TSHR: variants seen among roughly 807,000 people sequenced by gnomAD.
TSHR encodes the protein thyroid stimulating hormone receptor.
TSHR carries 51 observed loss-of-function variants against 64.1 expected under a neutral mutation model. The ratio of observed to expected loss-of-function variants is 0.80; its 90% confidence interval spans 0.64 to 1.01. The LOEUF (loss-of-function observed/expected upper bound fraction) is 1.01, where lower values mean the gene tolerates loss of function less well. Among genes scored for constraint, TSHR ranks in the 50% least tolerant of loss-of-function variants. The probability of loss-of-function intolerance (pLI) is 0.00; values close to 1 mark genes in which losing one functional copy is unlikely to be tolerated. For synonymous variants in TSHR, 361 were observed against 361.9 expected, an observed-to-expected ratio of 1.00 and a Z score of 0.03; for missense variants, 877 against 942.8, an observed-to-expected ratio of 0.93 and a Z score of 0.91.
At chr14:81,022,808 G>A (rs757645264) in intron 1 of TSHR, among the ~76,000 whole-genome samples, 8 of 151,836 alleles carry the variant, frequency 5.3e-5, no homozygotes, top group South Asian at 2.1e-4. Flanking sequence ...GCGACAAAGC[G>A]AGACTTCATC....
At position 81,143,428 on chromosome 14, in the gene TSHR, C is replaced by T. The variant is rs769294339; in HGVS notation, c.1370C>T (p.Ala457Val). Residue 457 changes from alanine to valine, a missense_variant, in exon 10 of 10, where the codon GCC becomes GTC. By Grantham distance (64) the Ala-to-Val change is moderately conservative. Transcript: ENST00000298171. ...NVPRFLMCNL[A>V]FADFCMGMYL... ...CCCCGCTTTCTCATGTGCAACCTGGCCTTTGCGGATTTCTGCATGGGGATG... is the reference window on the plus strand; with the variant it reads ...CCCCGCTTTCTCATGTGCAACCTGGTCTTTGCGGATTTCTGCATGGGGATG... 9.9e-6 allele frequency: 16 copies of T among 1,614,054 alleles called. No individual in the cohort carries two copies. Among genetic ancestry groups the T allele is most frequent in the Non-Finnish European group, 8.5e-6 (10 of 1,180,056 alleles).
intron 8 of TSHR, among the ~76,000 whole-genome samples, chr14:81,137,794 A>G (rs1957547): frequency 0.51 from 78,217 of 152,166 alleles, 22,674 homozygotes; most frequent in African/African-American, 0.79. Context: ...TAAAATGCAA[A>G]CACATTACTT....
chr14:81,069,482 T>A (rs1203236445), intron 3 of TSHR, among the ~76,000 whole-genome samples: 1 of 152,192 alleles, frequency 6.6e-6, no homozygotes, highest in East Asian at 1.9e-4. Context: ...ATGAAGACAG[T>A]AAGAACTCAA....
rs147636433 is a variant in TSHR, at chr14:81,101,467, G to A, written c.614+4760G>A. The stretch of plus-strand genomic sequence containing the variant: ...AGTTGAGTTTCTATAGCATATTTCT[G>A]GTCACAAAAACAACCAAACTTTTGC... On this transcript the variant is annotated intron_variant, in intron 7 of 9. Coordinates refer to ENST00000298171, the MANE Select transcript of TSHR (RefSeq NM_000369.5). Among the ~76,000 whole-genome samples the A allele has an allele frequency of 3.0e-3, 462 of 152,158 alleles. 1 individual carries two copies. Among genetic ancestry groups the A allele is most frequent in the African/African-American group, 0.011 (440 of 41,506 alleles).
chr14:81,045,195 G>C (rs993969684), intron 1 of TSHR, among the ~76,000 whole-genome samples: 2 of 152,112 alleles, frequency 1.3e-5, no homozygotes, highest in Admixed American at 6.5e-5. Context: ...GGAGCTGAAA[G>C]ATGAAAAAAG....
chr14:81,037,168 TAAAC>T (rs1884669601), intron 1 of TSHR, among the ~76,000 whole-genome samples: 1 of 151,326 alleles, frequency 6.6e-6, no homozygotes, highest in Non-Finnish European at 1.5e-5. Flanking sequence ...TAATAAAAAA[TAAAC>T]AAATTTGGGA....
At chr14:80,958,266 C>T (rs1886816188) in intron 1 of TSHR, 1 of 152,134 alleles carries the variant, frequency 6.6e-6, no homozygotes, top group Non-Finnish European at 1.5e-5. Flanking sequence ...TGTTATTATG[C>T]TCATTTTATA....
At chr14:81,090,315 G>A (rs904554604) in intron 4 of TSHR, among the ~76,000 whole-genome samples, 1 of 152,098 alleles carries the variant, frequency 6.6e-6, no homozygotes, top group Non-Finnish European at 1.5e-5. Flanking sequence ...CATGATCTCG[G>A]CTCACTGCAA....
At chr14:80,964,960 G>A (rs111967140) in intron 1 of TSHR, among the ~76,000 whole-genome samples, 61 of 152,290 alleles carry the variant, frequency 4.0e-4, no homozygotes, top group African/African-American at 1.2e-3. Flanking sequence ...TTGTGAGAAT[G>A]AACAAAGGAA....
chr14:81,047,664 CTTT>C (rs11462189), intron 1 of TSHR, among the ~76,000 whole-genome samples: 5 of 135,494 alleles, frequency 3.7e-5, no homozygotes, highest in African/African-American at 5.5e-5. Flanking sequence ...TTCATTGGCT[CTTT>C]TTTTTTTTTT....
At chr14:81,110,411 G>A (rs761573169) in intron 8 of TSHR, among the ~76,000 whole-genome samples, 1 of 152,234 alleles carries the variant, frequency 6.6e-6, no homozygotes, top group Non-Finnish European at 1.5e-5. Flanking sequence ...GAAAGGCCAC[G>A]TGAGGCCACA....
intron 6 of TSHR, among the ~76,000 whole-genome samples, chr14:81,094,738 G>C (rs1376933500): frequency 8.1e-6 from 1 of 122,796 alleles, no homozygotes; most frequent in African/African-American, 3.3e-5. Context: ...CAGAGCTGGA[G>C]TGCAATGGTG....
intron 7 of TSHR, chr14:81,102,589 G>C (rs1056360532): frequency 4.7e-5 from 8 of 171,034 alleles, no homozygotes; most frequent in Admixed American, 3.9e-4. Flanking sequence ...AAATATTTGG[G>C]GCCTTATGGG....
intron 4 of TSHR, 41 bp downstream of exon 4, chr14:81,088,069 A>C (rs1566805057): frequency 1.4e-5 from 20 of 1,476,146 alleles, no homozygotes; most frequent in Non-Finnish European, 1.9e-5. Flanking sequence ...TTCTGGGGGG[A>C]GGGGGTCAGA....
At chr14:81,038,872 A>G (rs1294248797) in intron 1 of TSHR, among the ~76,000 whole-genome samples, 1 of 151,674 alleles carries the variant, frequency 6.6e-6, no homozygotes, top group Non-Finnish European at 1.5e-5. Flanking sequence ...ACAGATCAAT[A>G]ATGAGTAACA....
chr14:81,037,423 ACAAACAAACAAAC>A (rs1453181638), intron 1 of TSHR, among the ~76,000 whole-genome samples: 3 of 140,734 alleles, frequency 2.1e-5, no homozygotes, highest in African/African-American at 8.2e-5. Context: ...GAAATACAAA[ACAAACAAACAAAC>A]AAACAAACAA....
chr14:81,032,080 CATAG>C (rs557387866), intron 1 of TSHR, among the ~76,000 whole-genome samples: 110 of 152,268 alleles, frequency 7.2e-4, no homozygotes, highest in African/African-American at 2.6e-3. Flanking sequence ...TACAAGAGAA[CATAG>C]ATAGACATTT....
intron 1 of TSHR, among the ~76,000 whole-genome samples, chr14:80,988,754 C>T (rs753285635): frequency 6.6e-5 from 10 of 152,218 alleles, no homozygotes; most frequent in Non-Finnish European, 1.3e-4. Flanking sequence ...GAAATTCTTT[C>T]ATCCTTCAAC....
chr14:81,042,106 C>G (rs1174002657), intron 1 of TSHR, among the ~76,000 whole-genome samples: 2 of 151,956 alleles, frequency 1.3e-5, no homozygotes, highest in African/African-American at 4.8e-5. Flanking sequence ...TCACCTTGCC[C>G]CAATTAGAAT....
Sources: gnomAD v4.1 joint callset for allele counts (sites outside exome capture counted in the v4.1 genomes callset) on GRCh38, gnomAD v4.1.1 for gene constraint, MANE v1.5 for transcripts, NCBI Gene and HGNC (gene_info 2026-07-23, HGNC 2026-07-21) for gene names.